RAB11FIP1: variants seen among roughly 807,000 people sequenced by gnomAD.
RAB11FIP1 encodes rab11 family-interacting protein 1.
RAB11FIP1 carries 49 observed loss-of-function variants against 83.1 expected under a neutral mutation model. The observed-to-expected ratio is 0.59, with a 90% CI of 0.47 to 0.75. The LOEUF (loss-of-function observed/expected upper bound fraction) is 0.75, where lower values mean the gene tolerates loss of function less well. Among genes scored for constraint, RAB11FIP1 ranks in the 30% least tolerant of loss-of-function variants. The pLI, the probability that RAB11FIP1 is intolerant of heterozygous loss-of-function variation, is 0.00. For missense variants in RAB11FIP1, 1,536 were observed against 1,598.7 expected (o/e 0.96, Z 0.67); for synonymous variants, 670 against 656.0 (o/e 1.02, Z -0.33).
chr8:37,872,728 ACTC>A lies in RAB11FIP1; in HGVS notation c.2071_2073del (p.Glu691del). 5 of 1,613,134 alleles carry A rather than the reference ACTC, an allele frequency of 3.1e-6. No homozygotes were observed. Among genetic ancestry groups the A allele is most frequent in the Non-Finnish European group, 4.2e-6 (5 of 1,179,760 alleles). ...CCTGTTTCAGGCTGCTCTGGGAGAG[ACTC>A]CTCCAACTCAAGGCTGCTGGTGTTC... On this transcript the variant is annotated inframe_deletion, in exon 4 of 6. Coordinates refer to ENST00000330843, the MANE Select transcript of RAB11FIP1 (RefSeq NM_001002814.3).
At chr8:37,871,195 G>C in intron 4 of RAB11FIP1, 83 bp downstream of exon 4, 2 of 1,503,988 alleles carry the variant, frequency 1.3e-6, no homozygotes, top group Non-Finnish European at 1.8e-6. Context: ...CGTCTGTGTG[G>C]TTAGAAAGCC....
Position 37,872,179 on chromosome 8 carries a change from A to T in RAB11FIP1, c.2623T>A (p.Cys875Ser). 1 of 1,613,996 alleles carries T rather than the reference A, an allele frequency of 6.2e-7. No homozygotes were observed. Among genetic ancestry groups the T allele is most frequent in the Non-Finnish European group, 8.5e-7 (1 of 1,179,980 alleles). The change falls in exon 4 of 6, where the codon TGT becomes AGT. Residue 875 changes from cysteine to serine, a missense_variant. Cys to Ser is a moderately radical substitution (Grantham distance 112). Transcript: ENST00000330843. ...TCCGCTGGGGAGGCTGGCGCACCAC[A>T]CGTCGCTGGCCCAGGTGTGGTCACC... ...ESVTTPGPATCGAPASPADHL... is the reference protein window; with the variant it reads ...ESVTTPGPATSGAPASPADHL...
At chr8:37,884,171 T>C (rs1370384034) in intron 1 of RAB11FIP1, among the ~76,000 whole-genome samples, 1 of 151,170 alleles carries the variant, frequency 6.6e-6, no homozygotes, top group Non-Finnish European at 1.5e-5. Flanking sequence ...TTCAAGTGAT[T>C]CTCCTCCCTC....
At chr8:37,864,931 CTT>C (rs10544799) in intron 5 of RAB11FIP1, among the ~76,000 whole-genome samples, 92,760 of 145,416 alleles carry the variant, frequency 0.64, 29,474 homozygotes, top group East Asian at 0.73. Context: ...TACTTAATGC[CTT>C]TTTTTTTTTT....
At chr8:37,866,224 A>C (rs1339613688) in intron 5 of RAB11FIP1, among the ~76,000 whole-genome samples, 5 of 151,928 alleles carry the variant, frequency 3.3e-5, no homozygotes, top group Non-Finnish European at 7.4e-5. Flanking sequence ...AGTCCCAGCT[A>C]CTCGGGAGGC....
chr8:37,878,492 C>T (rs1585438318), intron 1 of RAB11FIP1, among the ~76,000 whole-genome samples: 1 of 145,254 alleles, frequency 6.9e-6, no homozygotes, highest in Admixed American at 7.0e-5. Context: ...CGAGATCGCA[C>T]CACTGCACTC....
rs1164658270 is a variant in RAB11FIP1 at position 37,871,280 on chromosome 8, G to C, written c.3522C>G (p.His1174Gln). Residue 1174 changes from histidine (H) to glutamine (Q), a missense_variant and splice_region_variant, in exon 4 of 6, where the codon CAC (histidine) becomes CAG (glutamine). Transcript: ENST00000330843. The part of the protein sequence containing the change: ...QPGAGTGSAK[H>Q]RLHPVKPMNA... The stretch of plus-strand genomic sequence containing the variant: ...AGACAATCTCCCCCATCTCTCACCT[G>C]TGCTTGGCTGACCCAGTTCCAGCGC... 2 of 1,606,464 alleles carry C rather than the reference G, an allele frequency of 1.2e-6. No individual in the cohort carries two copies. The highest frequency in any genetic ancestry group is 1.7e-6 in the Non-Finnish European group (2 of 1,177,058).
intron 1 of RAB11FIP1, among the ~76,000 whole-genome samples, chr8:37,898,348 T>A (rs1807135150): frequency 6.7e-6 from 1 of 149,576 alleles, no homozygotes; most frequent in African/African-American, 2.5e-5. Flanking sequence ...CCGTCTCTAC[T>A]AAAAATACAA....
Position 37,875,105 on chromosome 8 carries a change from T to A in RAB11FIP1, c.1032A>T (p.Pro344=). ...EIKDSSPSSS[P]SPKGFRKKHL... is the part of the protein sequence containing the mutation. ...GCTTCTTTCTGAAGCCCTTGGGGGA[T>A]GGGGAGGAGGACGGGCTGCTATCCT... Residue 344 remains proline, a synonymous_variant, in exon 3 of 6, where the codon CCA becomes CCT. Transcript: ENST00000330843. 6.2e-7 allele frequency: 1 copy of A among 1,613,990 alleles called. No homozygotes were observed. The highest frequency in any genetic ancestry group is 1.3e-5 in the African/African-American group (1 of 74,992).
intron 5 of RAB11FIP1, among the ~76,000 whole-genome samples, chr8:37,864,242 G>C (rs1014581465): frequency 6.6e-6 from 1 of 152,252 alleles, no homozygotes; most frequent in Non-Finnish European, 1.5e-5. Flanking sequence ...TGCTTTATCA[G>C]CATTTATGAT....
chr8:37,892,052 A>G (rs1266630386), intron 1 of RAB11FIP1, among the ~76,000 whole-genome samples: 1 of 152,188 alleles, frequency 6.6e-6, no homozygotes, highest in Non-Finnish European at 1.5e-5. Flanking sequence ...TCACCCTGGT[A>G]TCACAGTGAC....
chr8:37,898,091 G>A (rs1031543535), intron 1 of RAB11FIP1, among the ~76,000 whole-genome samples: 2 of 152,220 alleles, frequency 1.3e-5, no homozygotes, highest in Non-Finnish European at 2.9e-5. Context: ...CCAAGCGAAG[G>A]CGAGTATCAG....
chr8:37,861,517 C>T lies in RAB11FIP1; in HGVS notation c.*1378G>A, dbSNP rs1243502728. 2 of 437,148 alleles carry T rather than the reference C, an allele frequency of 4.6e-6. No homozygotes were observed. The highest frequency in any genetic ancestry group is 9.0e-6 in the Non-Finnish European group (2 of 222,368). The allele number at this position is 437,148 out of a possible 1,614,324, so 27.1% of individuals were successfully genotyped here. ...CCCTTTGGGGTCCAATCCATGGTCT[C>T]CTGTCCCCTGTAGAGTGAAGGGGCT... is the stretch of plus-strand genomic sequence containing the variant. On this transcript the variant is annotated 3_prime_UTR_variant, in exon 6 of 6. Transcript: ENST00000330843.
Position 37,872,196 on chromosome 8 carries a change from G to T in RAB11FIP1, c.2606C>A (p.Thr869Lys), listed in dbSNP as rs750164958. Residue 869 changes from threonine to lysine, a missense_variant, in exon 4 of 6, where the codon ACA becomes AAA. Physicochemically the swap from Thr to Lys is moderately conservative, Grantham distance 78 (BLOSUM62 -1). Coordinates refer to ENST00000330843, the MANE Select transcript of RAB11FIP1 (RefSeq NM_001002814.3). ...CGCACCACACGTCGCTGGCCCAGGT[G>T]TGGTCACCGATTCCCTTTCTGAGTC... The part of the protein sequence containing the change: ...AEDSERESVT[T>K]PGPATCGAPA... 1.2e-6 allele frequency: 2 copies of T among 1,614,112 alleles called. No individual in the cohort carries two copies. Among genetic ancestry groups the T allele is most frequent in the Non-Finnish European group, 1.7e-6 (2 of 1,180,008 alleles).
intron 5 of RAB11FIP1, 107 bp downstream of exon 5, chr8:37,870,313 G>A (rs1806426235): frequency 1.6e-6 from 1 of 614,870 alleles, no homozygotes. Flanking sequence ...GTATGACTAA[G>A]TGTTCCTGGC....
chr8:37,864,465 C>T (rs916803947), intron 5 of RAB11FIP1, among the ~76,000 whole-genome samples: 2 of 152,204 alleles, frequency 1.3e-5, no homozygotes, highest in African/African-American at 2.4e-5. Flanking sequence ...GAGGGTCTAA[C>T]GGTTTCACTG....
chr8:37,898,853 G>T (rs1253632555), intron 1 of RAB11FIP1, among the ~76,000 whole-genome samples: 1 of 150,298 alleles, frequency 6.7e-6, no homozygotes, highest in Non-Finnish European at 1.5e-5. Context: ...CCCCAGATAC[G>T]GCCCCTTCTT....
At position 37,871,691 on chromosome 8, in the gene RAB11FIP1, T is replaced by C; in HGVS notation, c.3111A>G (p.Ala1037=). The change falls in exon 4 of 6, where the codon GCA becomes GCG. Residue 1037 remains alanine (A), a synonymous_variant. Coordinates refer to ENST00000330843, the MANE Select transcript of RAB11FIP1 (RefSeq NM_001002814.3). ...LCDFRLQAPQ[A]SVTAPSEQTT... ...TCTGCTCTGAAGGAGCTGTCACAGA[T>C]GCCTGGGGTGCTTGCAGCCTGAAAT... is the stretch of plus-strand genomic sequence containing the variant. 5.0e-6 allele frequency: 8 copies of C among 1,613,916 alleles called. No homozygotes were observed. Among genetic ancestry groups the C allele is most frequent in the Non-Finnish European group, 6.8e-6 (8 of 1,180,032 alleles).
chr8:37,892,813 A>G (rs997701095), intron 1 of RAB11FIP1, among the ~76,000 whole-genome samples: 1 of 152,026 alleles, frequency 6.6e-6, no homozygotes, highest in African/African-American at 2.4e-5. Flanking sequence ...CTTCAGCCTC[A>G]TCTTACACAA....
Sources: gnomAD v4.1 joint callset for allele counts (sites outside exome capture counted in the v4.1 genomes callset) on GRCh38, gnomAD v4.1.1 for gene constraint, MANE v1.5 for transcripts, NCBI Gene and HGNC (gene_info 2026-07-23, HGNC 2026-07-21) for gene names.